The following RFX4 variants were observed in gnomAD, a reference collection of about 807,000 sequenced individuals.
The protein encoded by RFX4 is regulatory factor X4.
Under a neutral mutation model 95.0 loss-of-function variants are expected in RFX4, and 10 were observed. The ratio of observed to expected loss-of-function variants is 0.11; its 90% CI spans 0.06 to 0.18. The LOEUF is 0.18. RFX4 is among the 10% of genes least tolerant of loss of function. The probability of loss-of-function intolerance (pLI) is 1.00; values close to 1 mark genes in which losing one functional copy is unlikely to be tolerated. For missense variants in RFX4, 640 were observed against 922.0 expected (o/e 0.69, Z 3.96); for synonymous variants, 321 against 340.7 (o/e 0.94, Z 0.64).
At chr12:106,622,591 C>T (rs2040206877) in intron 2 of RFX4, among the ~76,000 whole-genome samples, 1 of 150,922 alleles carries the variant, frequency 6.6e-6, no homozygotes, top group Non-Finnish European at 1.5e-5. Flanking sequence ...CATTCAAATT[C>T]CCTTCAAGTC....
chr12:106,684,556 T>C (rs1218804270), intron 5 of RFX4: 3 of 469,508 alleles, frequency 6.4e-6, no homozygotes, highest in African/African-American at 6.0e-5. Flanking sequence ...CTCTGAATAG[T>C]CAAGAAGTGG....
rs373166872 is a variant in RFX4, at chr12:106,620,279, G to A, written c.130+11396G>A. ...GGGAACGCACCCCCAATATTTCAAC[G>A]TAGGTTCTATTTTCCATAAGTGTCG... On this transcript the variant is annotated intron_variant, in intron 2 of 17. Transcript: ENST00000392842. Among the ~76,000 whole-genome samples the A allele has an allele frequency of 1.9e-4, 29 of 152,190 alleles. 1 individual carries two copies. The highest frequency in any genetic ancestry group is 1.4e-3 in the Admixed American group (22 of 15,280).
chr12:106,709,785 T>C (rs2042157481), intron 9 of RFX4, among the ~76,000 whole-genome samples: 1 of 152,160 alleles, frequency 6.6e-6, no homozygotes, highest in Non-Finnish European at 1.5e-5. Flanking sequence ...GTAGTATCCC[T>C]GTTCTACAGA....
At chr12:106,737,348 A>G (rs895296955) in intron 15 of RFX4, among the ~76,000 whole-genome samples, 1 of 151,780 alleles carries the variant, frequency 6.6e-6, no homozygotes, top group African/African-American at 2.4e-5. Flanking sequence ...AATAGCAAAC[A>G]ATAGAAGTGT....
intron 13 of RFX4, among the ~76,000 whole-genome samples, chr12:106,724,076 C>T (rs1268151875): frequency 2.0e-5 from 3 of 152,182 alleles, no homozygotes; most frequent in Non-Finnish European, 4.4e-5. Context: ...TCTCACACAA[C>T]CCCGTGAGGT....
chr12:106,654,688 T>C (rs891084745), intron 4 of RFX4, among the ~76,000 whole-genome samples: 10 of 152,206 alleles, frequency 6.6e-5, no homozygotes, highest in Admixed American at 6.5e-5. Context: ...GGCTTAGTCA[T>C]GTGGATGCCT....
chr12:106,663,655 TTGAG>T (rs1468165899), intron 4 of RFX4, among the ~76,000 whole-genome samples: 4 of 151,870 alleles, frequency 2.6e-5, no homozygotes, highest in African/African-American at 9.7e-5. Flanking sequence ...TGGGAAAACT[TTGAG>T]TTTCTTATCA....
chr12:106,690,354 A>AT (rs886760883), intron 7 of RFX4, among the ~76,000 whole-genome samples: 3 of 152,224 alleles, frequency 2.0e-5, no homozygotes, highest in South Asian at 2.1e-4. Flanking sequence ...AATTTCAGTG[A>AT]TTTTTTTCTT....
intron 2 of RFX4, among the ~76,000 whole-genome samples, chr12:106,627,462 G>A (rs190737862): frequency 6.6e-6 from 1 of 152,294 alleles, no homozygotes; most frequent in Non-Finnish European, 1.5e-5. Context: ...GTGAACCTGG[G>A]AGGTGAAGAG....
intron 13 of RFX4, among the ~76,000 whole-genome samples, chr12:106,724,661 T>A (rs1189060295): frequency 6.6e-6 from 1 of 151,984 alleles, no homozygotes; most frequent in African/African-American, 2.4e-5. Context: ...ACATAATCAG[T>A]TATACAAAGA....
At chr12:106,642,890 A>G (rs986959543) in intron 3 of RFX4, among the ~76,000 whole-genome samples, 17 of 152,294 alleles carry the variant, frequency 1.1e-4, no homozygotes, top group African/African-American at 3.8e-4. Flanking sequence ...CAGATTGAGC[A>G]GAGTTGTGCC....
intron 7 of RFX4, among the ~76,000 whole-genome samples, chr12:106,691,130 C>T (rs935638064): frequency 6.6e-6 from 1 of 152,144 alleles, no homozygotes; most frequent in Non-Finnish European, 1.5e-5. Context: ...AAGTCCCAGG[C>T]TTGGATTCAA....
Position 106,761,539 on chromosome 12 carries a change from T to C in RFX4, c.*70T>C. The C allele has an allele frequency of 8.7e-7, 1 of 1,149,314 alleles. No individual in the cohort carries two copies. The highest frequency in any genetic ancestry group is 1.1e-6 in the Non-Finnish European group (1 of 904,056). 71.2% of individuals were successfully genotyped at this position (1,149,314 alleles called of 1,614,324 possible). ...ATAATAATAATAAACCCAACACCCA[T>C]CCCCCAGAAGACTTTATCTCTATAC... On this transcript the variant is annotated 3_prime_UTR_variant, in exon 18 of 18. Coordinates refer to ENST00000392842, the MANE Select transcript of RFX4 (RefSeq NM_213594.3).
At chr12:106,619,188 C>A (rs1397913101) in intron 2 of RFX4, among the ~76,000 whole-genome samples, 1 of 152,128 alleles carries the variant, frequency 6.6e-6, no homozygotes, top group African/African-American at 2.4e-5. Flanking sequence ...AGGGTTCTTT[C>A]TCCTGCAGCA....
At chr12:106,604,112 T>C (rs1381545162) in intron 1 of RFX4, among the ~76,000 whole-genome samples, 1 of 142,600 alleles carries the variant, frequency 7.0e-6, no homozygotes, top group Non-Finnish European at 1.5e-5. Flanking sequence ...ACAGCTTCTC[T>C]CTCTTTTTTT....
intron 3 of RFX4, among the ~76,000 whole-genome samples, chr12:106,650,403 G>T (rs1188590801): frequency 6.6e-6 from 1 of 152,182 alleles, no homozygotes; most frequent in Non-Finnish European, 1.5e-5. Flanking sequence ...AAGTGTTGAA[G>T]TCAAATCTCT....
chr12:106,738,508 A>G lies in RFX4; in HGVS notation c.1633+5423A>G, dbSNP rs186742260. Among the ~76,000 whole-genome samples, 60 of 152,316 alleles carry G rather than the reference A, an allele frequency of 3.9e-4. 1 individual carries two copies. The highest frequency in any genetic ancestry group is 6.9e-4 in the Non-Finnish European group (47 of 68,036). On this transcript the variant is annotated intron_variant, in intron 15 of 17. Coordinates refer to ENST00000392842, the MANE Select transcript of RFX4 (RefSeq NM_213594.3). Reference sequence around the variant, plus strand: ...ACAGGAATATCATAAATGGCTTCAGATATTTCTGTGCAATGTGTTCAAGAG... The same window carrying G: ...ACAGGAATATCATAAATGGCTTCAGGTATTTCTGTGCAATGTGTTCAAGAG...
At chr12:106,727,593 A>G (rs1445832435) in intron 13 of RFX4, among the ~76,000 whole-genome samples, 1 of 152,092 alleles carries the variant, frequency 6.6e-6, no homozygotes, top group Non-Finnish European at 1.5e-5. Flanking sequence ...AATAGAACCA[A>G]TGAGAATTCA....
intron 8 of RFX4, among the ~76,000 whole-genome samples, chr12:106,698,381 T>A (rs1447886487): frequency 2.6e-5 from 4 of 152,036 alleles, no homozygotes; most frequent in Non-Finnish European, 5.9e-5. Context: ...TGGGTTCAAG[T>A]GATCCTCCTG....
Sources: gnomAD v4.1 joint callset for allele counts (sites outside exome capture counted in the v4.1 genomes callset) on GRCh38, gnomAD v4.1.1 for gene constraint, MANE v1.5 for transcripts, NCBI Gene and HGNC (gene_info 2026-07-23, HGNC 2026-07-21) for gene names.